SSBP2: variants seen among roughly 807,000 people sequenced by gnomAD.
The protein encoded by SSBP2 is single-stranded DNA-binding protein 2.
A neutral mutation model predicts 61.8 loss-of-function variants in SSBP2; 17 were observed. The observed-to-expected ratio is 0.28, with a 90% CI of 0.19 to 0.41. The LOEUF (loss-of-function observed/expected upper bound fraction) is 0.41. Ranked by LOEUF, SSBP2 falls within the 10% of genes least tolerant of loss-of-function variation. SSBP2 has a pLI of 1.00. For missense variants in SSBP2, 310 were observed against 458.7 expected (o/e 0.68, Z 2.96); for synonymous variants, 139 against 141.3 (o/e 0.98, Z 0.12).
intron 6 of SSBP2, among the ~76,000 whole-genome samples, chr5:81,477,747 CA>C (rs1418843374): frequency 1.3e-5 from 2 of 152,044 alleles, no homozygotes; most frequent in Non-Finnish European, 2.9e-5. Context: ...TCTGTATCTC[CA>C]GACTGTAAAC....
At chr5:81,476,445 T>A (rs1255655554) in intron 6 of SSBP2, among the ~76,000 whole-genome samples, 2 of 152,206 alleles carry the variant, frequency 1.3e-5, no homozygotes, top group Non-Finnish European at 1.5e-5. Context: ...CTACCTATCA[T>A]GTCCTCAACA....
At chr5:81,521,278 T>C (rs765186647) in intron 4 of SSBP2, among the ~76,000 whole-genome samples, 2 of 152,044 alleles carry the variant, frequency 1.3e-5, no homozygotes, top group African/African-American at 2.4e-5. Flanking sequence ...TCTGGTGTTT[T>C]AGGCATACAT....
chr5:81,415,657 A>T lies in SSBP2; in HGVS notation c.*4847T>A, dbSNP rs1417577423. The T allele has an allele frequency of 6.6e-6, 1 of 152,214 alleles. No homozygotes were observed. Among genetic ancestry groups the T allele is most frequent in the African/African-American group, 2.4e-5 (1 of 41,342 alleles). The allele number at this position is 152,214 out of a possible 1,614,324, so 9.4% of individuals were successfully genotyped here. ...GCCAGGTACGGTGGCTCATGCCTGTAATCCCAACACTTTGGGAGGCCAAGG... is the reference window on the plus strand; with the variant it reads ...GCCAGGTACGGTGGCTCATGCCTGTTATCCCAACACTTTGGGAGGCCAAGG... On this transcript the variant is annotated 3_prime_UTR_variant, in exon 17 of 17. Coordinates refer to ENST00000320672, the MANE Select transcript of SSBP2 (RefSeq NM_012446.5).
At chr5:81,681,065 A>C (rs1752343817) in intron 1 of SSBP2, among the ~76,000 whole-genome samples, 5 of 152,228 alleles carry the variant, frequency 3.3e-5, no homozygotes, top group Non-Finnish European at 7.3e-5. Flanking sequence ...GAAATCATAT[A>C]GTATCTGCTC....
chr5:81,633,726 C>T (rs1034518124), intron 3 of SSBP2, among the ~76,000 whole-genome samples: 1 of 152,148 alleles, frequency 6.6e-6, no homozygotes, highest in Non-Finnish European at 1.5e-5. Flanking sequence ...TGCTCAACAT[C>T]TCCACTTGGA....
chr5:81,624,020 C>T (rs960284314), intron 3 of SSBP2, among the ~76,000 whole-genome samples: 7 of 152,100 alleles, frequency 4.6e-5, no homozygotes, highest in African/African-American at 1.7e-4. Context: ...AGGTAGGTCC[C>T]ATATCTTAGT....
chr5:81,461,414 A>G (rs1411830577), intron 9 of SSBP2, among the ~76,000 whole-genome samples: 2 of 152,272 alleles, frequency 1.3e-5, no homozygotes, highest in South Asian at 2.1e-4. Flanking sequence ...TCATTATAAA[A>G]CACACTTCTG....
intron 4 of SSBP2, among the ~76,000 whole-genome samples, chr5:81,605,624 A>AT (rs754438095): frequency 2.2e-4 from 34 of 152,214 alleles, no homozygotes; most frequent in Non-Finnish European, 4.6e-4. Flanking sequence ...TCCTACTAGG[A>AT]TTTTTTAACT....
chr5:81,528,517 C>T (rs911084259), intron 4 of SSBP2, among the ~76,000 whole-genome samples: 4 of 151,966 alleles, frequency 2.6e-5, no homozygotes, highest in African/African-American at 9.7e-5. Flanking sequence ...TTTTTAGTAT[C>T]ATTTCATCCG....
At chr5:81,693,835 C>T (rs188996466) in intron 1 of SSBP2, among the ~76,000 whole-genome samples, 1 of 152,098 alleles carries the variant, frequency 6.6e-6, no homozygotes, top group Non-Finnish European at 1.5e-5. Flanking sequence ...TAGGTATACA[C>T]CCAAAAGAAA....
chr5:81,539,841 C>T (rs1424680749), intron 4 of SSBP2, among the ~76,000 whole-genome samples: 1 of 152,128 alleles, frequency 6.6e-6, no homozygotes, highest in African/African-American at 2.4e-5. Flanking sequence ...GTTTGCTGCA[C>T]CCGTCAACCC....
intron 1 of SSBP2, among the ~76,000 whole-genome samples, chr5:81,686,863 AAAAAAAAAAGAAAAGAAAAG>A (rs1253425757): frequency 1.0e-4 from 11 of 110,316 alleles, no homozygotes; most frequent in Non-Finnish European, 1.8e-4. Context: ...TCAAAAAAAA[AAAAAAAAAAGAAAAGAAAAG>A]AAAAGAAAAG....
At chr5:81,689,248 T>C (rs1357347987) in intron 1 of SSBP2, among the ~76,000 whole-genome samples, 1 of 151,968 alleles carries the variant, frequency 6.6e-6, no homozygotes, top group African/African-American at 2.4e-5. Flanking sequence ...AAAGGGCAAA[T>C]CTAAGAGTTA....
At chr5:81,501,212 AATATATATATATATATATAT>A (rs1167504052) in intron 5 of SSBP2, among the ~76,000 whole-genome samples, 671 of 28,816 alleles carry the variant, frequency 0.023, 41 homozygotes, top group South Asian at 0.035. Flanking sequence ...CTCCATCTCA[AATATATATATATATATATAT>A]ATATATATAT....
chr5:81,598,107 A>T (rs1743974179), intron 4 of SSBP2, among the ~76,000 whole-genome samples: 1 of 152,000 alleles, frequency 6.6e-6, no homozygotes, highest in African/African-American at 2.4e-5. Context: ...TTAATAAAAG[A>T]CGATAAACCA....
intron 1 of SSBP2, among the ~76,000 whole-genome samples, chr5:81,707,288 C>T (rs1291135352): frequency 2.0e-5 from 3 of 152,056 alleles, no homozygotes. Flanking sequence ...CCTAGCCCCT[C>T]GTACCTCAGA....
At chr5:81,518,864 T>A (rs1401120058) in intron 4 of SSBP2, among the ~76,000 whole-genome samples, 1 of 152,148 alleles carries the variant, frequency 6.6e-6, no homozygotes, top group Non-Finnish European at 1.5e-5. Flanking sequence ...GGAGTAGTAT[T>A]ATTTAGTGTT....
chr5:81,740,362 G>A (rs1421142652), intron 1 of SSBP2, among the ~76,000 whole-genome samples: 1 of 149,300 alleles, frequency 6.7e-6, no homozygotes, highest in African/African-American at 2.5e-5. Context: ...AGGATAGCTA[G>A]CGCTTAAATA....
chr5:81,736,143 A>AACAC (rs58588638), intron 1 of SSBP2, among the ~76,000 whole-genome samples: 2,121 of 75,130 alleles, frequency 0.028, 25 homozygotes, highest in South Asian at 0.069. Flanking sequence ...ACTACCCTGA[A>AACAC]ACACACACAC....
Sources: gnomAD v4.1 joint callset for allele counts (sites outside exome capture counted in the v4.1 genomes callset) on GRCh38, gnomAD v4.1.1 for gene constraint, MANE v1.5 for transcripts, NCBI Gene and HGNC (gene_info 2026-07-23, HGNC 2026-07-21) for gene names.